ANXA6: variants seen among roughly 807,000 people sequenced by gnomAD.
ANXA6 encodes annexin A6.
A neutral mutation model predicts 95.4 loss-of-function variants in ANXA6; 71 were observed. The ratio of observed to expected loss-of-function variants is 0.74; its 90% CI spans 0.61 to 0.91. The LOEUF (loss-of-function observed/expected upper bound fraction) is 0.91, where lower values mean the gene tolerates loss of function less well. Among genes scored for constraint, ANXA6 ranks in the 40% least tolerant of loss-of-function variants. The pLI is 0.00. For missense variants in ANXA6, 830 were observed against 876.4 expected (o/e 0.95, Z 0.67); for synonymous variants, 289 against 315.9 (o/e 0.91, Z 0.90).
At chr5:151,103,058 G>A (rs867392917) in intron 25 of ANXA6, among the ~76,000 whole-genome samples, 6 of 152,090 alleles carry the variant, frequency 3.9e-5, no homozygotes, top group Admixed American at 6.5e-5. Flanking sequence ...GTGCAGTGGC[G>A]TGATCTCAGC....
intron 2 of ANXA6, chr5:151,141,500 G>A: frequency 4.1e-6 from 4 of 985,138 alleles, no homozygotes; most frequent in Non-Finnish European, 4.8e-6. Flanking sequence ...ATCCAAAAAA[G>A]AGGGAATGGA....
chr5:151,116,861 C>T (rs753386692), intron 20 of ANXA6, among the ~76,000 whole-genome samples: 4 of 152,198 alleles, frequency 2.6e-5, no homozygotes, highest in Non-Finnish European at 4.4e-5. Flanking sequence ...CTCCATTTTC[C>T]CACTGTAACA....
Position 151,132,588 on chromosome 5 carries a change from G to A in ANXA6, c.641-17C>T. On this transcript the variant is annotated splice_polypyrimidine_tract_variant and intron_variant, in intron 9 of 25. Coordinates refer to ENST00000354546, the MANE Select transcript of ANXA6 (RefSeq NM_001155.5). The stretch of plus-strand genomic sequence containing the variant: ...CATCGAACACTGCGTCAGACAGAGA[G>A]ACAGGGAGGTTTGAGAGTGCCTCTG... The A allele has an allele frequency of 2.5e-6, 4 of 1,606,968 alleles. No homozygotes were observed. In the African/African-American group the frequency reaches 4.0e-5, roughly 16 times the overall value.
chr5:151,153,402 GA>G (rs574911935), intron 1 of ANXA6, among the ~76,000 whole-genome samples: 26 of 152,322 alleles, frequency 1.7e-4, no homozygotes, highest in African/African-American at 6.3e-4. Flanking sequence ...GGCAGCCAAG[GA>G]GGCTGAGAAC....
intron 2 of ANXA6, among the ~76,000 whole-genome samples, chr5:151,141,257 C>T (rs56817271): frequency 0.022 from 3,294 of 152,234 alleles, 113 homozygotes; most frequent in African/African-American, 0.075. Flanking sequence ...AGCCTGTCAC[C>T]GAGCACACAG....
rs776418157 is a variant in ANXA6, at chr5:151,129,532, G to A, written c.796-3C>T. The A allele has an allele frequency of 1.2e-5, 19 of 1,598,626 alleles. No homozygotes were observed. The East Asian group carries it at 3.6e-4, about 30-fold the overall frequency. On this transcript the variant is annotated splice_polypyrimidine_tract_variant and splice_region_variant and intron_variant, in intron 11 of 25. Coordinates refer to ENST00000354546, the MANE Select transcript of ANXA6 (RefSeq NM_001155.5). ...GTGTTGTCCCGAGTCCCCAGGCCCT[G>A]CAAGACAAGTGGGTTTGGGGAACAT...
intron 17 of ANXA6, among the ~76,000 whole-genome samples, chr5:151,121,812 G>A (rs1765175676): frequency 6.6e-6 from 1 of 152,190 alleles, no homozygotes; most frequent in South Asian, 2.1e-4. Context: ...TAGGAAGAAG[G>A]AACTCTTTCT....
At chr5:151,144,343 G>C (rs1248231169) in intron 2 of ANXA6, among the ~76,000 whole-genome samples, 1 of 152,146 alleles carries the variant, frequency 6.6e-6, no homozygotes, top group African/African-American at 2.4e-5. Flanking sequence ...CATGTGACAG[G>C]TATTTCATAC....
chr5:151,108,973 ACACT>A (rs934566748), intron 22 of ANXA6, among the ~76,000 whole-genome samples: 1 of 152,304 alleles, frequency 6.6e-6, no homozygotes, highest in South Asian at 2.1e-4. Flanking sequence ...CACTCAGGAA[ACACT>A]CACTGAGTCA....
At chr5:151,131,599 G>A (rs908712466) in intron 10 of ANXA6, among the ~76,000 whole-genome samples, 4 of 152,152 alleles carry the variant, frequency 2.6e-5, no homozygotes, top group African/African-American at 7.2e-5. Context: ...GGTCTGGGGC[G>A]AAGGAGGAAA....
intron 2 of ANXA6, among the ~76,000 whole-genome samples, chr5:151,146,941 C>T (rs993460276): frequency 1.3e-5 from 2 of 152,114 alleles, no homozygotes; most frequent in African/African-American, 4.8e-5. Context: ...TACATGCCAC[C>T]TTTGTATTTT....
At chr5:151,106,020 A>G (rs903802753) in intron 23 of ANXA6, among the ~76,000 whole-genome samples, 4 of 152,174 alleles carry the variant, frequency 2.6e-5, no homozygotes, top group African/African-American at 9.7e-5. Context: ...CTAATGCTTG[A>G]GAGTTACTGA....
chr5:151,142,036 G>T (rs1356252686), intron 2 of ANXA6, among the ~76,000 whole-genome samples: 1 of 152,240 alleles, frequency 6.6e-6, no homozygotes, highest in East Asian at 1.9e-4. Context: ...TCAAGTATTT[G>T]CCACATGAAT....
At chr5:151,115,639 C>A (rs1764977539) in intron 20 of ANXA6, among the ~76,000 whole-genome samples, 3 of 152,188 alleles carry the variant, frequency 2.0e-5, no homozygotes, top group Admixed American at 2.0e-4. Context: ...CGAGGCTGTT[C>A]ACAGTAATAC....
chr5:151,141,719 T>C (rs761792006), intron 2 of ANXA6: 26 of 985,652 alleles, frequency 2.6e-5, no homozygotes, highest in Non-Finnish European at 3.1e-5. Context: ...TTTAAAGTTC[T>C]GACCAGAAAG....
chr5:151,153,942 C>A (rs983457459), intron 1 of ANXA6, among the ~76,000 whole-genome samples: 3 of 152,094 alleles, frequency 2.0e-5, no homozygotes, highest in Admixed American at 1.3e-4. Context: ...CTTTCCTGCA[C>A]CCCCTCCCAT....
Position 151,101,330 on chromosome 5 carries a change from A to ACCCCCCCCCCCCCCCC in ANXA6, c.*117_*118insGGGGGGGGGGGGGGGG. The ACCCCCCCCCCCCCCCC allele has an allele frequency of 7.8e-6, 3 of 385,870 alleles. No individual in the cohort carries two copies. The highest frequency in any genetic ancestry group is 1.9e-5 in the South Asian group (1 of 52,342). 23.9% of individuals were successfully genotyped at this position (385,870 alleles called of 1,614,324 possible). A position where few individuals can be genotyped will look rare whatever the true frequency, so the allele number is the denominator to read the frequency against. The stretch of plus-strand genomic sequence containing the variant: ...CCACTGAAGATAAGAGCCCAACCCA[A>ACCCCCCCCCCCCCCCC]CCCCTCCCCCCACCCCTGCCCCTTC... On this transcript the variant is annotated 3_prime_UTR_variant, in exon 26 of 26. Coordinates refer to ENST00000354546, the MANE Select transcript of ANXA6 (RefSeq NM_001155.5).
At chr5:151,101,821 TC>T (rs1764558628) in intron 25 of ANXA6, among the ~76,000 whole-genome samples, 1 of 151,992 alleles carries the variant, frequency 6.6e-6, no homozygotes, top group African/African-American at 2.4e-5. Flanking sequence ...CACCTGTCAC[TC>T]CCCTGTCCAA....
chr5:151,144,313 G>C (rs931369771), intron 2 of ANXA6, among the ~76,000 whole-genome samples: 2 of 152,156 alleles, frequency 1.3e-5, no homozygotes, highest in Non-Finnish European at 1.5e-5. Flanking sequence ...CAGTCAAATA[G>C]CAGCAGATTT....
Sources: gnomAD v4.1 joint callset for allele counts (sites outside exome capture counted in the v4.1 genomes callset) on GRCh38, gnomAD v4.1.1 for gene constraint, MANE v1.5 for transcripts, NCBI Gene and HGNC (gene_info 2026-07-23, HGNC 2026-07-21) for gene names.